The following RGS6 variants were observed in gnomAD, a reference collection of about 807,000 sequenced individuals.
RGS6 encodes regulator of G protein signaling 6, also known as regulator of G-protein signaling 6.
RGS6 carries 30 observed loss-of-function variants against 78.5 expected under a neutral mutation model. The observed-to-expected ratio is 0.38, with a 90% CI of 0.29 to 0.52. RGS6 has a LOEUF of 0.52. Ranked by LOEUF, RGS6 falls within the 20% of genes least tolerant of loss-of-function variation. The pLI, the probability that RGS6 is intolerant of heterozygous loss-of-function variation, is 0.85. For synonymous variants in RGS6, 206 were observed against 206.0 expected, an observed-to-expected ratio of 1.00 and a Z score of 0.00; for missense variants, 495 against 609.7, an observed-to-expected ratio of 0.81 and a Z score of 1.98.
intron 2 of RGS6, among the ~76,000 whole-genome samples, chr14:72,121,016 G>A (rs2096036852): frequency 6.6e-6 from 1 of 152,126 alleles, no homozygotes; most frequent in Non-Finnish European, 1.5e-5. Context: ...CCATAGCTAG[G>A]CATGAGAAAG....
intron 3 of RGS6, among the ~76,000 whole-genome samples, chr14:72,388,781 CACTTT>C (rs1195220559): frequency 3.9e-5 from 6 of 152,190 alleles, no homozygotes; most frequent in African/African-American, 1.4e-4. Flanking sequence ...TTGGCCACTT[CACTTT>C]ACTTTACTTC....
intron 2 of RGS6, among the ~76,000 whole-genome samples, chr14:72,101,289 A>G (rs2095522688): frequency 6.6e-6 from 1 of 152,160 alleles, no homozygotes. Flanking sequence ...GTCTACTGAG[A>G]TGTTCTTTTA....
At chr14:72,337,017 T>C (rs2076152649) in intron 2 of RGS6, among the ~76,000 whole-genome samples, 1 of 152,200 alleles carries the variant, frequency 6.6e-6, no homozygotes. Flanking sequence ...CCAAATGAGA[T>C]CACATTCTGA....
intron 2 of RGS6, among the ~76,000 whole-genome samples, chr14:72,205,316 C>T (rs940941306): frequency 9.9e-5 from 15 of 152,042 alleles, no homozygotes; most frequent in South Asian, 4.2e-4. Flanking sequence ...TTAATGTGTC[C>T]GCCCTCTTTC....
chr14:72,402,083 G>T (rs149062876), intron 3 of RGS6, among the ~76,000 whole-genome samples: 1 of 152,150 alleles, frequency 6.6e-6, no homozygotes, highest in Admixed American at 6.5e-5. Context: ...CCGTGGGATC[G>T]GGCAGGAAGG....
chr14:72,422,817 G>A (rs1011707202), intron 3 of RGS6, among the ~76,000 whole-genome samples: 4 of 152,304 alleles, frequency 2.6e-5, no homozygotes, highest in East Asian at 1.9e-4. Context: ...GGAGAGGAAG[G>A]CCAAGTGAGG....
chr14:71,918,432 A>G, the RGS6 span, among the ~76,000 whole-genome samples: 1 of 152,162 alleles, frequency 6.6e-6, no homozygotes, highest in African/African-American at 2.4e-5. Flanking sequence ...ATTCTGTGAA[A>G]AGATTATCCA....
chr14:72,284,359 G>GC (rs36064988), intron 2 of RGS6, among the ~76,000 whole-genome samples: 56,439 of 151,920 alleles, frequency 0.37, 11,660 homozygotes, highest in Non-Finnish European at 0.46. Flanking sequence ...GGAAAAAATG[G>GC]CCCCCCCACC....
chr14:72,376,401 G>A (rs2084732284), intron 3 of RGS6, among the ~76,000 whole-genome samples: 1 of 152,204 alleles, frequency 6.6e-6, no homozygotes, highest in South Asian at 2.1e-4. Context: ...GGACATTCTG[G>A]AAGAAGAGAA....
intron 6 of RGS6, among the ~76,000 whole-genome samples, chr14:72,460,655 C>T (rs2095754635): frequency 6.6e-6 from 1 of 152,184 alleles, no homozygotes; most frequent in African/African-American, 2.4e-5. Flanking sequence ...TTGCATGCAT[C>T]CTTGCTGCTG....
At chr14:72,411,413 G>T (rs1466298918) in intron 3 of RGS6, among the ~76,000 whole-genome samples, 44 of 152,258 alleles carry the variant, frequency 2.9e-4, no homozygotes, top group African/African-American at 5.8e-4. Context: ...TGCACATTGA[G>T]TTTGTATCCT....
intron 2 of RGS6, among the ~76,000 whole-genome samples, chr14:72,323,545 A>G (rs2072730073): frequency 6.6e-6 from 1 of 151,922 alleles, no homozygotes; most frequent in African/African-American, 2.4e-5. Context: ...AAGGGGGATT[A>G]GCCCTATCAA....
At chr14:72,072,015 T>C (rs2094424923) in intron 2 of RGS6, among the ~76,000 whole-genome samples, 1 of 152,218 alleles carries the variant, frequency 6.6e-6, no homozygotes, top group Admixed American at 6.5e-5. Flanking sequence ...TTTTTTAACC[T>C]TAGTACAAAT....
chr14:71,961,738 C>T lies in RGS6; in HGVS notation c.-20-3034C>T, dbSNP rs145645670. Among the ~76,000 whole-genome samples the T allele has an allele frequency of 1.7e-3, 255 of 152,220 alleles. 1 individual carries two copies. The highest frequency in any genetic ancestry group is 5.9e-3 in the African/African-American group (243 of 41,514). On this transcript the variant is annotated intron_variant, in intron 1 of 17. Coordinates refer to ENST00000553525, the MANE Select transcript of RGS6 (RefSeq NM_001204424.2). ...CTTTCTTTCTTTTGGTATGCAGTTA[C>T]ATGTTTTCAGAAAAATGTTCACATT...
At chr14:72,159,646 A>T (rs1464631171) in intron 2 of RGS6, among the ~76,000 whole-genome samples, 3 of 152,130 alleles carry the variant, frequency 2.0e-5, no homozygotes, top group South Asian at 4.1e-4. Context: ...AGTGATCTCC[A>T]TGTGTGGGTT....
At chr14:72,508,077 T>G (rs2096831314) in intron 13 of RGS6, among the ~76,000 whole-genome samples, 1 of 152,194 alleles carries the variant, frequency 6.6e-6, no homozygotes, top group Non-Finnish European at 1.5e-5. Context: ...GCCTGGTACT[T>G]TGGAAGAGGT....
intron 2 of RGS6, among the ~76,000 whole-genome samples, chr14:72,296,229 G>T (rs1012866789): frequency 8.5e-5 from 13 of 152,280 alleles, no homozygotes; most frequent in African/African-American, 3.1e-4. Flanking sequence ...GTTCCATTGT[G>T]TGAATGAATA....
At chr14:72,042,128 T>TC (rs1409573183) in intron 2 of RGS6, among the ~76,000 whole-genome samples, 3 of 121,230 alleles carry the variant, frequency 2.5e-5, no homozygotes, top group African/African-American at 8.5e-5. Flanking sequence ...TTTTTCTTTT[T>TC]CTTTTTTTTT....
At chr14:72,219,458 G>T (rs567898628) in intron 2 of RGS6, among the ~76,000 whole-genome samples, 1 of 151,846 alleles carries the variant, frequency 6.6e-6, no homozygotes, top group African/African-American at 2.4e-5. Context: ...CTATTTCCTC[G>T]TTGCCAACTA....
Sources: gnomAD v4.1 joint callset for allele counts (sites outside exome capture counted in the v4.1 genomes callset) on GRCh38, gnomAD v4.1.1 for gene constraint, MANE v1.5 for transcripts, NCBI Gene and HGNC (gene_info 2026-07-23, HGNC 2026-07-21) for gene names.